The following ZNF740 variants were observed in gnomAD, a reference collection of about 807,000 sequenced individuals.
ZNF740 encodes the protein oriLyt TD-element-binding protein 7.
Under a neutral mutation model 24.8 loss-of-function variants are expected in ZNF740, and 14 were observed. The observed-to-expected ratio is 0.56, with a 90% confidence interval of 0.37 to 0.88. The LOEUF is 0.88. Among genes scored for constraint, ZNF740 ranks in the 40% least tolerant of loss-of-function variants. The pLI, the probability that ZNF740 is intolerant of heterozygous loss-of-function variation, is 0.00. For missense variants in ZNF740, 201 were observed against 247.9 expected (o/e 0.81, Z 1.27); for synonymous variants, 69 against 84.0 (o/e 0.82, Z 0.98).
Position 53,194,064 on chromosome 12 carries a change from A to G in ZNF740, c.*6474A>G. On this transcript the variant is annotated 3_prime_UTR_variant, in exon 7 of 7. Transcript: ENST00000416904. ...CTGAGGAAGCCACTCAGACTGCTCCAGGAAGGATGGATGGAGGACTACCTC... is the reference window on the plus strand; with the variant it reads ...CTGAGGAAGCCACTCAGACTGCTCCGGGAAGGATGGATGGAGGACTACCTC... 7.1e-7 allele frequency: 1 copy of G among 1,408,782 alleles called. No homozygotes were observed. Among genetic ancestry groups the G allele is most frequent in the East Asian group, 2.3e-5 (1 of 43,532 alleles). The allele number at this position is 1,408,782 out of a possible 1,614,324, so 87.3% of individuals were successfully genotyped here. A position where few individuals can be genotyped will look rare whatever the true frequency, so the allele number is the denominator to read the frequency against.
chr12:53,181,171 A>G (rs1941608911), intron 1 of ZNF740: 6 of 985,094 alleles, frequency 6.1e-6, no homozygotes, highest in Non-Finnish European at 7.2e-6. Context: ...GGCGGGCGAC[A>G]CGCCGCGCCG....
intron 2 of ZNF740, among the ~76,000 whole-genome samples, chr12:53,184,195 G>A (rs186561660): frequency 1.0e-3 from 155 of 148,950 alleles, no homozygotes; most frequent in African/African-American, 3.7e-3. Flanking sequence ...GTGTGTGTGT[G>A]TGTGTGAGTG....
chr12:53,186,726 CT>C, intron 6 of ZNF740: 1 of 471,420 alleles, frequency 2.1e-6, no homozygotes, highest in Admixed American at 3.4e-5. Flanking sequence ...TTCCATATCA[CT>C]TACTCTATGC....
rs1258125128 is a variant in ZNF740 at position 53,193,012 on chromosome 12, C to G, written c.*5422C>G. 3 of 1,364,562 alleles carry G rather than the reference C, an allele frequency of 2.2e-6. No homozygotes were observed. The Admixed American group carries it at 5.8e-5, about 26-fold the overall frequency. The allele number at this position is 1,364,562 out of a possible 1,614,324, so 84.5% of individuals were successfully genotyped here. On this transcript the variant is annotated 3_prime_UTR_variant, in exon 7 of 7. Coordinates refer to ENST00000416904, the MANE Select transcript of ZNF740 (RefSeq NM_001004304.4). Reference sequence around the variant, plus strand: ...CGCATCCAATCTTTTTGAAGTATGCCAACCACACCCTCTAACCCATACACC... The same window carrying G: ...CGCATCCAATCTTTTTGAAGTATGCGAACCACACCCTCTAACCCATACACC...
Position 53,181,877 on chromosome 12 carries a change from G to A in ZNF740, c.-107G>A. 5 of 1,408,990 alleles carry A rather than the reference G, an allele frequency of 3.5e-6. No individual in the cohort carries two copies. The highest frequency in any genetic ancestry group is 4.9e-6 in the Non-Finnish European group (5 of 1,019,558). The allele number at this position is 1,408,990 out of a possible 1,614,324, so 87.3% of individuals were successfully genotyped here. A position where few individuals can be genotyped will look rare whatever the true frequency, so the allele number is the denominator to read the frequency against. On this transcript the variant is annotated 5_prime_UTR_variant, in exon 2 of 7. Transcript: ENST00000416904. Reference sequence around the variant, plus strand: ...GCAACAGGACTGATGGGACACGAAGGAGTCGCTACCGTGATTTGGTGACAG... The same window carrying A: ...GCAACAGGACTGATGGGACACGAAGAAGTCGCTACCGTGATTTGGTGACAG...
Position 53,186,363 on chromosome 12 carries a change from C to G in ZNF740, c.374-28C>G, listed in dbSNP as rs772236931. The G allele has an allele frequency of 1.0e-5, 16 of 1,541,432 alleles. No homozygotes were observed. The highest frequency in any genetic ancestry group is 1.4e-5 in the Non-Finnish European group (16 of 1,135,886). ...GGTCCCTACTGTACATACCTCCCCA[C>G]ATTCACTTCTCTGTCCACCTGGGCC... On this transcript the variant is annotated intron_variant, in intron 5 of 6. Coordinates refer to ENST00000416904, the MANE Select transcript of ZNF740 (RefSeq NM_001004304.4).
At chr12:53,184,497 TG>T (rs1321323857) in intron 2 of ZNF740, among the ~76,000 whole-genome samples, 1 of 152,112 alleles carries the variant, frequency 6.6e-6, no homozygotes, top group African/African-American at 2.4e-5. Context: ...AGCTGAGGGC[TG>T]TTGAGGGAGG....
chr12:53,182,504 CTG>C (rs1011548103), intron 2 of ZNF740, among the ~76,000 whole-genome samples: 5 of 152,010 alleles, frequency 3.3e-5, no homozygotes, highest in Admixed American at 3.3e-4. Flanking sequence ...AGTAGAGACT[CTG>C]AATCTGTTGA....
Position 53,191,929 on chromosome 12 carries a change from G to T in ZNF740, c.*4339G>T. 1.2e-6 allele frequency: 2 copies of T among 1,610,942 alleles called. No homozygotes were observed. The highest frequency in any genetic ancestry group is 1.7e-6 in the Non-Finnish European group (2 of 1,179,996). ...TTCCCGGCGGTCATAGATTTCCACC[G>T]AGAGCCGGTAAGCCAGGACCAGCCC... On this transcript the variant is annotated 3_prime_UTR_variant, in exon 7 of 7. Coordinates refer to ENST00000416904, the MANE Select transcript of ZNF740 (RefSeq NM_001004304.4).
intron 1 of ZNF740, 199 bp downstream of exon 1, chr12:53,181,036 C>G (rs1382539925): frequency 1.6e-5 from 14 of 883,834 alleles, no homozygotes; most frequent in African/African-American, 7.5e-5. Context: ...CCGCCGCGTC[C>G]CCGGCCCGGG....
chr12:53,193,113 C>A lies in ZNF740; in HGVS notation c.*5523C>A, dbSNP rs117362449. 1.3e-6 allele frequency: 2 copies of A among 1,580,236 alleles called. No homozygotes were observed. The highest frequency in any genetic ancestry group is 1.7e-5 in the Admixed American group (1 of 58,772). ...TGCCTTGGGAAGGCCTCTCAGACCC[C>A]GCCCTTCTCCCCAAGGCTCCAGGTA... On this transcript the variant is annotated 3_prime_UTR_variant, in exon 7 of 7. Coordinates refer to ENST00000416904, the MANE Select transcript of ZNF740 (RefSeq NM_001004304.4).
In ZNF740 at chr12:53,192,379, C is replaced by T. The variant is rs770063578; in HGVS notation, c.*4789C>T. On this transcript the variant is annotated 3_prime_UTR_variant, in exon 7 of 7. Coordinates refer to ENST00000416904, the MANE Select transcript of ZNF740 (RefSeq NM_001004304.4). ...CGACCGTGCCTCTGGCGTCATCCTC[C>T]ACCAAGAAGAAGAACAGCTGGTTGT... is the stretch of plus-strand genomic sequence containing the variant. 2 of 1,614,164 alleles carry T rather than the reference C, an allele frequency of 1.2e-6. No individual in the cohort carries two copies. The highest frequency in any genetic ancestry group is 1.1e-5 in the South Asian group (1 of 91,080).
intron 2 of ZNF740, 111 bp downstream of exon 2, chr12:53,182,103 G>A (rs767324768): frequency 1.3e-4 from 188 of 1,450,252 alleles, no homozygotes; most frequent in Non-Finnish European, 1.7e-4. Flanking sequence ...TCCAAGCTCT[G>A]TATTAAGCAC....
chr12:53,181,220 C>T (rs1362148251), intron 1 of ZNF740: 1 of 985,334 alleles, frequency 1.0e-6, no homozygotes, highest in Non-Finnish European at 1.2e-6. Flanking sequence ...CAGCAAGTTT[C>T]CCTACCTTCG....
In ZNF740 at chr12:53,191,725, C is replaced by T; in HGVS notation, c.*4135C>T. On this transcript the variant is annotated 3_prime_UTR_variant, in exon 7 of 7. Transcript: ENST00000416904. ...TAAGAGGCCAGCCTTGAGCCGAATC[C>T]TAGGAGCTGATGGAAGTTAGCAGAG... The T allele has an allele frequency of 6.5e-7, 1 of 1,527,490 alleles. No individual in the cohort carries two copies. Among genetic ancestry groups the T allele is most frequent in the East Asian group, 2.3e-5 (1 of 44,424 alleles). 94.6% of individuals were successfully genotyped at this position (1,527,490 alleles called of 1,614,324 possible).
chr12:53,186,792 A>G (rs1292896302), intron 6 of ZNF740: 1 of 285,942 alleles, frequency 3.5e-6, no homozygotes, highest in African/African-American at 2.1e-5. Context: ...CCTCACATTG[A>G]CTCCCTAAGG....
At position 53,191,924 on chromosome 12, in the gene ZNF740, C is replaced by T. The variant is rs1026954939; in HGVS notation, c.*4334C>T. 3.1e-6 allele frequency: 5 copies of T among 1,611,006 alleles called. No homozygotes were observed. The African/African-American group carries it at 6.7e-5, about 22-fold the overall frequency. On this transcript the variant is annotated 3_prime_UTR_variant, in exon 7 of 7. Transcript: ENST00000416904. ...CTGTATTCCCGGCGGTCATAGATTT[C>T]CACCGAGAGCCGGTAAGCCAGGACC...
At position 53,191,347 on chromosome 12, in the gene ZNF740, C is replaced by T. The variant is rs1592392940; in HGVS notation, c.*3757C>T. 7 of 585,902 alleles carry T rather than the reference C, an allele frequency of 1.2e-5. No individual in the cohort carries two copies. Among genetic ancestry groups the T allele is most frequent in the South Asian group, 7.7e-5 (4 of 52,028 alleles). The allele number at this position is 585,902 out of a possible 1,614,324, so 36.3% of individuals were successfully genotyped here. Reference sequence around the variant, plus strand: ...GTCTGAGGTAAGACTTTATTGTATACTTGGGTGGGGTAGCCCAGATGGATG... The same window carrying T: ...GTCTGAGGTAAGACTTTATTGTATATTTGGGTGGGGTAGCCCAGATGGATG... On this transcript the variant is annotated 3_prime_UTR_variant, in exon 7 of 7. Coordinates refer to ENST00000416904, the MANE Select transcript of ZNF740 (RefSeq NM_001004304.4).
At chr12:53,183,572 AT>A (rs1401530832) in intron 2 of ZNF740, among the ~76,000 whole-genome samples, 1 of 152,208 alleles carries the variant, frequency 6.6e-6, no homozygotes, top group Non-Finnish European at 1.5e-5. Flanking sequence ...TTTTCTGGAA[AT>A]TTACTTAAAC....
Sources: gnomAD v4.1 joint callset for allele counts (sites outside exome capture counted in the v4.1 genomes callset) on GRCh38, gnomAD v4.1.1 for gene constraint, MANE v1.5 for transcripts, NCBI Gene and HGNC (gene_info 2026-07-23, HGNC 2026-07-21) for gene names.